Variants in SH3GL2 observed in about 807,000 individuals in gnomAD.
SH3GL2 encodes the protein endophilin-A1.
In SH3GL2, 24 loss-of-function variants were observed where a neutral mutation model predicts 46.0. That is an observed-to-expected ratio of 0.52 (90% CI 0.38 to 0.73). The LOEUF (loss-of-function observed/expected upper bound fraction) is 0.73, where lower values mean the gene tolerates loss of function less well. Among genes scored for constraint, SH3GL2 ranks in the 30% least tolerant of loss-of-function variants. SH3GL2 has a pLI of 0.00. For missense variants in SH3GL2, 413 were observed against 424.2 expected, an observed-to-expected ratio of 0.97 and a Z score of 0.23; for synonymous variants, 196 against 147.1, an observed-to-expected ratio of 1.33 and a Z score of -2.40.
intron 1 of SH3GL2, among the ~76,000 whole-genome samples, chr9:17,604,418 T>G (rs1818727192): frequency 6.6e-6 from 1 of 152,270 alleles, no homozygotes; most frequent in Non-Finnish European, 1.5e-5. Flanking sequence ...GCATAGTATT[T>G]TCACACAGTA....
intron 1 of SH3GL2, among the ~76,000 whole-genome samples, chr9:17,672,583 G>A (rs1432822321): frequency 6.6e-6 from 1 of 152,104 alleles, no homozygotes; most frequent in Non-Finnish European, 1.5e-5. Flanking sequence ...CCTTCAGGAG[G>A]CAAATGAGCT....
chr9:17,641,106 G>T (rs1819670339), intron 1 of SH3GL2, among the ~76,000 whole-genome samples: 1 of 152,130 alleles, frequency 6.6e-6, no homozygotes, highest in Non-Finnish European at 1.5e-5. Flanking sequence ...CATTTATAAA[G>T]GAGCCTTTTT....
At chr9:17,738,626 T>TTTTATATATATATATATA (rs58272546) in intron 1 of SH3GL2, among the ~76,000 whole-genome samples, 3 of 74,814 alleles carry the variant, frequency 4.0e-5, no homozygotes, top group East Asian at 4.6e-4. Flanking sequence ...TCATGTGATT[T>TTTTATATATATATATATA]TATATATATA....
chr9:17,732,664 T>G (rs1234353923), intron 1 of SH3GL2, among the ~76,000 whole-genome samples: 2 of 152,090 alleles, frequency 1.3e-5, no homozygotes, highest in Admixed American at 1.3e-4. Context: ...ATTGGCCTAG[T>G]GATAATATGA....
At chr9:17,763,062 C>A (rs1005914235) in intron 3 of SH3GL2, among the ~76,000 whole-genome samples, 2 of 152,166 alleles carry the variant, frequency 1.3e-5, no homozygotes, top group Non-Finnish European at 2.9e-5. Flanking sequence ...TTATTGAGCA[C>A]TGATGCATTT....
chr9:17,663,642 C>T (rs969630559), intron 1 of SH3GL2, among the ~76,000 whole-genome samples: 4 of 152,114 alleles, frequency 2.6e-5, no homozygotes, highest in African/African-American at 9.7e-5. Context: ...ATTAATGGTT[C>T]TGGAGAATGA....
intron 1 of SH3GL2, among the ~76,000 whole-genome samples, chr9:17,692,043 T>TATTAA (rs1455548650): frequency 3.3e-5 from 5 of 152,276 alleles, no homozygotes; most frequent in Non-Finnish European, 5.9e-5. Flanking sequence ...GCATGACCTG[T>TATTAA]GTGCACATTT....
At chr9:17,650,408 G>C (rs995950466) in intron 1 of SH3GL2, among the ~76,000 whole-genome samples, 1 of 152,122 alleles carries the variant, frequency 6.6e-6, no homozygotes, top group Non-Finnish European at 1.5e-5. Flanking sequence ...GTCTCGCTCT[G>C]TCACCCAGGC....
intron 3 of SH3GL2, among the ~76,000 whole-genome samples, chr9:17,783,049 C>T (rs1473064912): frequency 1.3e-5 from 2 of 152,096 alleles, no homozygotes; most frequent in Non-Finnish European, 2.9e-5. Context: ...CACACACAGA[C>T]AGGGGAGCCT....
chr9:17,759,565 T>C (rs573351039), intron 2 of SH3GL2, among the ~76,000 whole-genome samples: 1 of 152,194 alleles, frequency 6.6e-6, no homozygotes, highest in Non-Finnish European at 1.5e-5. Context: ...TGTATCTGTT[T>C]TCTCATATAC....
chr9:17,685,993 G>C (rs1446753746), intron 1 of SH3GL2, among the ~76,000 whole-genome samples: 1 of 144,752 alleles, frequency 6.9e-6, no homozygotes, highest in Admixed American at 7.0e-5. Flanking sequence ...ACTACCATCA[G>C]AGTGAACAGG....
intron 1 of SH3GL2, among the ~76,000 whole-genome samples, chr9:17,723,572 G>A (rs1253803874): frequency 6.6e-6 from 1 of 152,150 alleles, no homozygotes; most frequent in Non-Finnish European, 1.5e-5. Flanking sequence ...TGTAACAGGA[G>A]GGATTGCCTC....
intron 1 of SH3GL2, among the ~76,000 whole-genome samples, chr9:17,657,940 A>T (rs566436832): frequency 1.3e-5 from 2 of 152,320 alleles, no homozygotes; most frequent in South Asian, 2.1e-4. Context: ...GGACATTAAG[A>T]TTCCATGTAA....
intron 1 of SH3GL2, among the ~76,000 whole-genome samples, chr9:17,601,207 A>C (rs866786687): frequency 7.2e-5 from 11 of 152,122 alleles, no homozygotes; most frequent in African/African-American, 2.7e-4. Context: ...GCTGAAGCCC[A>C]GGTTGTCTTA....
At chr9:17,604,230 A>C (rs1818720151) in intron 1 of SH3GL2, among the ~76,000 whole-genome samples, 1 of 152,178 alleles carries the variant, frequency 6.6e-6, no homozygotes, top group Non-Finnish European at 1.5e-5. Flanking sequence ...AAGTGCAGCA[A>C]GAGCTGGACA....
At chr9:17,724,381 A>G (rs566567832) in intron 1 of SH3GL2, among the ~76,000 whole-genome samples, 1 of 152,284 alleles carries the variant, frequency 6.6e-6, no homozygotes, top group East Asian at 1.9e-4. Flanking sequence ...AGACATTGTC[A>G]TCATGCCTTA....
At chr9:17,706,474 A>G (rs539619666) in intron 1 of SH3GL2, among the ~76,000 whole-genome samples, 4 of 152,200 alleles carry the variant, frequency 2.6e-5, no homozygotes, top group South Asian at 4.1e-4. Flanking sequence ...GCGGGAGAGC[A>G]ATTGCTCTTC....
At chr9:17,676,290 T>C (rs1820606819) in intron 1 of SH3GL2, among the ~76,000 whole-genome samples, 1 of 152,164 alleles carries the variant, frequency 6.6e-6, no homozygotes, top group Non-Finnish European at 1.5e-5. Flanking sequence ...ATGGGAAGAA[T>C]TATTTTTGCT....
chr9:17,588,918 A>T (rs1588158539), intron 1 of SH3GL2, among the ~76,000 whole-genome samples: 1 of 152,322 alleles, frequency 6.6e-6, no homozygotes, highest in South Asian at 2.1e-4. Context: ...GGTACACCTA[A>T]GAGAAATGGA....
Sources: gnomAD v4.1 joint callset for allele counts (sites outside exome capture counted in the v4.1 genomes callset) on GRCh38, gnomAD v4.1.1 for gene constraint, MANE v1.5 for transcripts, NCBI Gene and HGNC (gene_info 2026-07-23, HGNC 2026-07-21) for gene names.